The following CPA6 variants were observed in gnomAD, a reference collection of about 807,000 sequenced individuals.
The protein encoded by CPA6 is carboxypeptidase B.
A neutral mutation model predicts 63.3 loss-of-function variants in CPA6; 58 were observed. The ratio of observed to expected loss-of-function variants is 0.92; its 90% CI spans 0.74 to 1.14. The LOEUF is 1.14. Among genes scored for constraint, CPA6 ranks in the 50% most tolerant of loss-of-function variants. CPA6 has a pLI of 0.00. For synonymous variants in CPA6, 185 were observed against 179.0 expected (o/e 1.03, Z -0.27); for missense variants, 565 against 526.6 (o/e 1.07, Z -0.71).
At chr8:67,704,372 G>T (rs930460042) in intron 1 of CPA6, among the ~76,000 whole-genome samples, 3 of 152,162 alleles carry the variant, frequency 2.0e-5, no homozygotes, top group African/African-American at 7.2e-5. Flanking sequence ...CAGGCTTCTT[G>T]TCTGCTTAAA....
Position 67,586,038 on chromosome 8 carries a change from C to A in CPA6, c.192+38138G>T, listed in dbSNP as rs115726097. On this transcript the variant is annotated intron_variant, in intron 2 of 10. Transcript: ENST00000297770. ...TAAGCAATTATAGGGGTGACCGCAC[C>A]TGTAAAGCTCCAAGGGATCTGGATG... Among the ~76,000 whole-genome samples, 611 of 152,226 alleles carry A rather than the reference C, an allele frequency of 4.0e-3. 4 individuals are homozygous for A. The highest frequency in any genetic ancestry group is 0.014 in the African/African-American group (588 of 41,512).
intron 2 of CPA6, among the ~76,000 whole-genome samples, chr8:67,518,587 A>G (rs913602266): frequency 5.3e-5 from 8 of 149,960 alleles, no homozygotes; most frequent in African/African-American, 2.0e-4. Context: ...GTTCCCTGCA[A>G]TCTCTGCCTC....
Position 67,743,711 on chromosome 8 carries a change from T to C in CPA6, c.116+2303A>G, listed in dbSNP as rs990261333. On this transcript the variant is annotated intron_variant, in intron 1 of 10. Transcript: ENST00000297770. ...ACACTTGGCACTATCCAATTGTTAC[T>C]AGTTTATGTCTAAAGAGGACTGCCC... Among the ~76,000 whole-genome samples the C allele has an allele frequency of 4.6e-5, 7 of 152,306 alleles. No individual in the cohort carries two copies. In the South Asian group the frequency reaches 8.3e-4, roughly 18 times the overall value.
At chr8:67,662,060 C>T (rs1163969478) in intron 1 of CPA6, among the ~76,000 whole-genome samples, 1 of 152,120 alleles carries the variant, frequency 6.6e-6, no homozygotes, top group East Asian at 1.9e-4. Flanking sequence ...TTCACCACCA[C>T]CCCCTCCTAA....
chr8:67,475,866 T>C (rs1181668846), intron 8 of CPA6, among the ~76,000 whole-genome samples: 23 of 97,714 alleles, frequency 2.4e-4, no homozygotes, highest in Admixed American at 4.5e-4. Context: ...TTTCTTTCTT[T>C]CTTTCTTTCT....
intron 1 of CPA6, among the ~76,000 whole-genome samples, chr8:67,676,510 A>T (rs1035169915): frequency 2.6e-5 from 4 of 152,248 alleles, no homozygotes; most frequent in African/African-American, 9.6e-5. Flanking sequence ...AGCTTGTGTC[A>T]GACCACTCTG....
chr8:67,480,047 C>T (rs967165665), intron 8 of CPA6, among the ~76,000 whole-genome samples: 1 of 151,598 alleles, frequency 6.6e-6, no homozygotes, highest in Non-Finnish European at 1.5e-5. Context: ...TGTGGTTGGG[C>T]TGCTAAAAAA....
chr8:67,496,551 A>T (rs9694915), intron 6 of CPA6, among the ~76,000 whole-genome samples: 13 of 113,242 alleles, frequency 1.1e-4, no homozygotes, highest in African/African-American at 3.4e-4. Flanking sequence ...ATATATATAT[A>T]TATATATTTA....
intron 8 of CPA6, among the ~76,000 whole-genome samples, chr8:67,480,828 CAT>C (rs1450609448): frequency 1.3e-5 from 2 of 152,178 alleles, no homozygotes; most frequent in African/African-American, 4.8e-5. Flanking sequence ...CTCACCAACA[CAT>C]GTTATTGTCT....
intron 1 of CPA6, among the ~76,000 whole-genome samples, chr8:67,678,891 T>A (rs1816534732): frequency 6.6e-6 from 1 of 152,214 alleles, no homozygotes; most frequent in African/African-American, 2.4e-5. Context: ...GATATGAGAA[T>A]GAATGAACTA....
rs532450786 is a variant in CPA6, at chr8:67,611,103, G to A, written c.192+13073C>T. 3.5e-5 allele frequency among the ~76,000 whole-genome samples: 5 copies of A among 144,474 alleles called. No homozygotes were observed. The South Asian group carries it at 8.7e-4, about 25-fold the overall frequency. 94.8% of individuals were successfully genotyped at this position (144,474 alleles called of 152,430 possible). A position where few individuals can be genotyped will look rare whatever the true frequency, so the allele number is the denominator to read the frequency against. The stretch of plus-strand genomic sequence containing the variant: ...TTCACTCCTTCTTTTTTTTTTTTGA[G>A]ATGGAGTATTGCTCTGTCGCCTGGG... On this transcript the variant is annotated intron_variant, in intron 2 of 10. Transcript: ENST00000297770.
At chr8:67,737,922 G>A (rs913687145) in intron 1 of CPA6, among the ~76,000 whole-genome samples, 14 of 152,138 alleles carry the variant, frequency 9.2e-5, no homozygotes, top group African/African-American at 3.1e-4. Flanking sequence ...CCTTTATGGA[G>A]TTCTGCTTCC....
chr8:67,478,007 G>A (rs1811280132), intron 8 of CPA6, among the ~76,000 whole-genome samples: 1 of 152,132 alleles, frequency 6.6e-6, no homozygotes, highest in African/African-American at 2.4e-5. Context: ...TGGTGGCTGG[G>A]GGTCCCTAGG....
chr8:67,468,499 T>A (rs776630537), intron 8 of CPA6, among the ~76,000 whole-genome samples: 40 of 151,632 alleles, frequency 2.6e-4, no homozygotes, highest in Non-Finnish European at 5.1e-4. Context: ...GGCAGGAGAA[T>A]CGCTTGAACC....
chr8:67,453,672 A>T (rs1418148301), intron 8 of CPA6, among the ~76,000 whole-genome samples: 1 of 151,706 alleles, frequency 6.6e-6, no homozygotes, highest in Non-Finnish European at 1.5e-5. Context: ...AAGAGGACCA[A>T]CAAAATAGAT....
chr8:67,705,481 C>T (rs1402816478), intron 1 of CPA6, among the ~76,000 whole-genome samples: 1 of 152,170 alleles, frequency 6.6e-6, no homozygotes, highest in Non-Finnish European at 1.5e-5. Context: ...CCACTTCCCT[C>T]CAAAAGAAAA....
At chr8:67,693,851 C>T (rs189332680) in intron 1 of CPA6, among the ~76,000 whole-genome samples, 71 of 152,280 alleles carry the variant, frequency 4.7e-4, no homozygotes, top group Middle Eastern at 3.4e-3. Context: ...TCTAGACTTA[C>T]GGGTAAGACA....
At chr8:67,657,655 A>G (rs923152742) in intron 1 of CPA6, among the ~76,000 whole-genome samples, 2 of 152,206 alleles carry the variant, frequency 1.3e-5, no homozygotes, top group African/African-American at 4.8e-5. Flanking sequence ...AAGTTTCTTT[A>G]AACCTAGAAG....
At chr8:67,468,804 C>G (rs1459210530) in intron 8 of CPA6, among the ~76,000 whole-genome samples, 2 of 152,016 alleles carry the variant, frequency 1.3e-5, no homozygotes, top group Non-Finnish European at 2.9e-5. Context: ...TCTCTGGGTC[C>G]TCACTTCTCA....
Sources: allele counts gnomAD v4.1 joint callset (sites outside exome capture counted in the v4.1 genomes callset), GRCh38; gene constraint gnomAD v4.1.1; transcripts MANE v1.5; gene names NCBI Gene and HGNC (gene_info 2026-07-23, HGNC 2026-07-21).